GABBR1: variants seen among roughly 807,000 people sequenced by gnomAD.
The protein encoded by GABBR1 is GABA-B receptor, R1 subunit.
A neutral mutation model predicts 117.7 loss-of-function variants in GABBR1; 35 were observed. The ratio of observed to expected loss-of-function variants is 0.30; its 90% CI spans 0.23 to 0.39. The LOEUF (loss-of-function observed/expected upper bound fraction) is 0.39. Among genes scored for constraint, GABBR1 ranks in the 10% least tolerant of loss-of-function variants. GABBR1 has a pLI of 1.00. For missense variants in GABBR1, 709 were observed against 1,241.8 expected, an observed-to-expected ratio of 0.57 and a Z score of 6.45; for synonymous variants, 442 against 486.6, an observed-to-expected ratio of 0.91 and a Z score of 1.21.
chr6:29,617,301 C>CTT lies in GABBR1; in HGVS notation c.1323+3798_1323+3799dup, dbSNP rs373993426. ...CCATATTTCTTTTCTTTCTTTCTTT[C>CTT]TTTTTTTTTTTTTTTTTTTGAGATG... On this transcript the variant is annotated intron_variant, in intron 11 of 22. Coordinates refer to ENST00000377034, the MANE Select transcript of GABBR1 (RefSeq NM_001470.4). Among the ~76,000 whole-genome samples the CTT allele has an allele frequency of 7.1e-3, 853 of 119,838 alleles. 12 individuals carry two copies. Among genetic ancestry groups the CTT allele is most frequent in the South Asian group, 0.018 (64 of 3,602 alleles). The allele number at this position is 119,838 out of a possible 152,430, so 78.6% of individuals were successfully genotyped here.
chr6:29,604,574 A>ACCCTG lies in GABBR1; in HGVS notation c.2627_2631dup (p.Ser878GlnfsTer295). 6.2e-7 allele frequency: 1 copy of ACCCTG among 1,613,106 alleles called. No homozygotes were observed. The highest frequency in any genetic ancestry group is 8.5e-7 in the Non-Finnish European group (1 of 1,180,012). On this transcript the variant is annotated frameshift_variant, in exon 22 of 23. Transcript: ENST00000377034. LOFTEE classifies it high-confidence loss of function. The surrounding 1 kb of genome is among the most constrained non-coding windows in gnomAD (Gnocchi z 5.3). ...TCCTCCTCGTTGTTGTTGGTCGATG[A>ACCCTG]CCCTGTCTTCATGGTGTCCTGCGCC...
chr6:29,611,892 C>G lies in GABBR1; in HGVS notation c.1630+659G>C, dbSNP rs1456313895. 1.3e-5 allele frequency among the ~76,000 whole-genome samples: 2 copies of G among 152,162 alleles called. No homozygotes were observed. Among genetic ancestry groups the G allele is most frequent in the African/African-American group, 4.8e-5 (2 of 41,440 alleles). On this transcript the variant is annotated intron_variant, in intron 13 of 22. Coordinates refer to ENST00000377034, the MANE Select transcript of GABBR1 (RefSeq NM_001470.4). This position sits in a 1 kb window ranked among gnomAD's most constrained non-coding sequence, Gnocchi z 4.6. ...TCTCCTAGATTCAGCTTTCTTGAGTCTAACTGACAGGTCATCAACCTCTCA... is the reference window on the plus strand; with the variant it reads ...TCTCCTAGATTCAGCTTTCTTGAGTGTAACTGACAGGTCATCAACCTCTCA...
At position 29,603,646 on chromosome 6, in the gene GABBR1, GGGTGGCGCCGGGAGCGGAGCTGCTGCC is replaced by G. The variant is rs765304749; in HGVS notation, c.2756_2782del (p.Arg919_His927del). ...CCCAGAGGGTTCTGGGGGTGTCGGTGGGTGGCGCCGGGAGCGGAGCTGCTGCCGAGACTGGAGTTGATGGCGCAGTTC... is the reference window on the plus strand; with the variant it reads ...CCCAGAGGGTTCTGGGGGTGTCGGTGGAGACTGGAGTTGATGGCGCAGTTC... On this transcript the variant is annotated inframe_deletion, in exon 23 of 23. Transcript: ENST00000377034. 1 of 1,521,826 alleles carries G rather than the reference GGGTGGCGCCGGGAGCGGAGCTGCTGCC, an allele frequency of 6.6e-7. No homozygotes were observed. The highest frequency in any genetic ancestry group is 2.3e-5 in the East Asian group (1 of 43,830). The allele number at this position is 1,521,826 out of a possible 1,614,324, so 94.3% of individuals were successfully genotyped here.
chr6:29,607,157 A>T lies in GABBR1; in HGVS notation c.2054T>A (p.Ile685Asn). 3 of 1,614,054 alleles carry T rather than the reference A, an allele frequency of 1.9e-6. No homozygotes were observed. The highest frequency in any genetic ancestry group is 2.5e-6 in the Non-Finnish European group (3 of 1,180,022). ...TGTGAAGACCGTGTGGACCCACCAA[A>T]TCTTGGTGAACATGGAACCGTAGCC... ...SLGYGSMFTK[I>N]WWVHTVFTKK... is the part of the protein sequence containing the mutation. The change falls in exon 17 of 23, where the codon ATT (isoleucine) becomes AAT (asparagine). Residue 685 changes from isoleucine (I) to asparagine (N), a missense_variant. Coordinates refer to ENST00000377034, the MANE Select transcript of GABBR1 (RefSeq NM_001470.4). This position sits in a 1 kb window ranked among gnomAD's most constrained non-coding sequence, Gnocchi z 5.0.
In GABBR1 at chr6:29,604,596, C is replaced by G; in HGVS notation, c.2610G>C (p.Ala870=). The change falls in exon 22 of 23, where the codon GCG becomes GCC. Residue 870 remains alanine, a synonymous_variant. Coordinates refer to ENST00000377034, the MANE Select transcript of GABBR1 (RefSeq NM_001470.4). The surrounding 1 kb of genome is among the most constrained non-coding windows in gnomAD (Gnocchi z 5.3). ...LITRGEWQSE[A]QDTMKTGSST... is the part of the protein sequence containing the mutation. ...ATGACCCTGTCTTCATGGTGTCCTG[C>G]GCCTCCGACTGCCATTCCCCTCGGG... 1.2e-6 allele frequency: 2 copies of G among 1,613,248 alleles called. No individual in the cohort carries two copies. Among genetic ancestry groups the G allele is most frequent in the South Asian group, 1.1e-5 (1 of 91,082 alleles).
Position 29,629,122 on chromosome 6 carries a change from G to A in GABBR1, c.476-15C>T. 2 of 1,613,010 alleles carry A rather than the reference G, an allele frequency of 1.2e-6. No individual in the cohort carries two copies. The highest frequency in any genetic ancestry group is 1.7e-6 in the Non-Finnish European group (2 of 1,180,012). On this transcript the variant is annotated splice_polypyrimidine_tract_variant and intron_variant, in intron 4 of 22. Transcript: ENST00000377034. ...CGTTCGATTCACTGGCAGCAGGAAA[G>A]ACGGGGATCAGAGAAGAGTTACCAC...
rs1371507544 is a variant in GABBR1 at position 29,608,526 on chromosome 6, A to C, written c.1992+75T>G. On this transcript the variant is annotated intron_variant, in intron 16 of 22. Transcript: ENST00000377034. ...AGCTGAGGAGGAAGGGCAGAGAATC[A>C]TAAATCATGGAAGGTGCTCCTGAGA... 2.7e-6 allele frequency: 4 copies of C among 1,487,126 alleles called. No homozygotes were observed. The East Asian group carries it at 9.1e-5, about 34-fold the overall frequency. 92.1% of individuals were successfully genotyped at this position (1,487,126 alleles called of 1,614,324 possible).
At chr6:29,618,527 T>G (rs1377292287) in intron 11 of GABBR1, among the ~76,000 whole-genome samples, 11 of 152,234 alleles carry the variant, frequency 7.2e-5, no homozygotes. Context: ...CTTGTCTGGC[T>G]CTCAAGAATG....
rs752173788 is a variant in GABBR1, at chr6:29,606,938, C to T, written c.2176G>A (p.Ala726Thr). Residue 726 changes from alanine (A) to threonine (T), a missense_variant, in exon 18 of 23, where the codon GCC (alanine) becomes ACC (threonine). Coordinates refer to ENST00000377034, the MANE Select transcript of GABBR1 (RefSeq NM_001470.4). The surrounding 1 kb of genome is among the most constrained non-coding windows in gnomAD (Gnocchi z 4.5). Reference protein sequence around the residue: ...LLVGMDVLTLAIWQIVDPLHR... With the variant: ...LLVGMDVLTLTIWQIVDPLHR... ...AGAGGGTCCACGATCTGCCAGATGGCGAGAGTGAGGACATCCATGCCCACC... is the reference window on the plus strand; with the variant it reads ...AGAGGGTCCACGATCTGCCAGATGGTGAGAGTGAGGACATCCATGCCCACC... The T allele has an allele frequency of 5.6e-6, 9 of 1,614,090 alleles. No homozygotes were observed. The highest frequency in any genetic ancestry group is 1.6e-4 in the Middle Eastern group (1 of 6,084).
intron 6 of GABBR1, among the ~76,000 whole-genome samples, chr6:29,626,456 G>A (rs117938553): frequency 6.6e-6 from 1 of 152,086 alleles, no homozygotes; most frequent in East Asian, 1.9e-4. Context: ...CCTTCCCTGT[G>A]TCACATCCTT....
intron 22 of GABBR1, among the ~76,000 whole-genome samples, chr6:29,603,981 G>A (rs1761685970): frequency 6.6e-6 from 1 of 152,132 alleles, no homozygotes; most frequent in Non-Finnish European, 1.5e-5. Flanking sequence ...AGTGGGGAAG[G>A]AGAGAAAAGT....
Position 29,613,294 on chromosome 6 carries a change from A to T in GABBR1, c.1515T>A (p.Ile505=), listed in dbSNP as rs1240921538. 1 of 1,612,954 alleles carries T rather than the reference A, an allele frequency of 6.2e-7. No individual in the cohort carries two copies. The highest frequency in any genetic ancestry group is 1.1e-5 in the South Asian group (1 of 91,074). The change falls in exon 12 of 23, where the codon ATT becomes ATA. Residue 505 remains isoleucine (I), a synonymous_variant. Coordinates refer to ENST00000377034, the MANE Select transcript of GABBR1 (RefSeq NM_001470.4). This position sits in a 1 kb window ranked among gnomAD's most constrained non-coding sequence, Gnocchi z 4.1. ...LEDFNYNNQT[I]TDQIYRAMNS... is the part of the protein sequence containing the mutation. ...TCATTGCCCGGTAGATTTGGTCGGT[A>T]ATGGTCTGGTTGTTGTAGTTGAAGT...
In GABBR1 at chr6:29,621,770, G is replaced by A. The variant is rs199739847; in HGVS notation, c.1113C>T (p.Ala371=). ...IIVGLFYETE[A]RKVFCEVYKE... Reference sequence around the variant, plus strand: ...ACTCCACCTCACAAAAAACTTTCCGGGCTTCAGTCTCATAGAAAAGTCCCA... The same window carrying A: ...ACTCCACCTCACAAAAAACTTTCCGAGCTTCAGTCTCATAGAAAAGTCCCA... Residue 371 remains alanine (A), a synonymous_variant, in exon 10 of 23, where the codon GCC becomes GCT. Transcript: ENST00000377034. This position sits in a 1 kb window ranked among gnomAD's most constrained non-coding sequence, Gnocchi z 5.0. 1,985 of 1,614,060 alleles carry A rather than the reference G, an allele frequency of 1.2e-3. 35 individuals are homozygous for A. In the South Asian group the frequency reaches 0.019, roughly 15 times the overall value.
chr6:29,612,417 G>T, intron 13 of GABBR1, 134 bp downstream of exon 13: 1 of 637,322 alleles, frequency 1.6e-6, no homozygotes, highest in Non-Finnish European at 2.8e-6. Context: ...GATGAACAGA[G>T]TTAAAAGAGA....
chr6:29,603,642 C>A lies in GABBR1; in HGVS notation c.2787G>T (p.Pro929=). The change falls in exon 23 of 23, where the codon CCG becomes CCT. Residue 929 remains proline (P), a synonymous_variant. Coordinates refer to ENST00000377034, the MANE Select transcript of GABBR1 (RefSeq NM_001470.4). ...GGCCCCCAGAGGGTTCTGGGGGTGT[C>A]GGTGGGTGGCGCCGGGAGCGGAGCT... ...RQQLRSRRHP[P]TPPEPSGGLP... is the part of the protein sequence containing the mutation. The A allele has an allele frequency of 6.6e-7, 1 of 1,522,468 alleles. No individual in the cohort carries two copies. The allele number at this position is 1,522,468 out of a possible 1,614,324, so 94.3% of individuals were successfully genotyped here. A position where few individuals can be genotyped will look rare whatever the true frequency, so the allele number is the denominator to read the frequency against.
At position 29,623,213 on chromosome 6, in the gene GABBR1, G is replaced by A; in HGVS notation, c.963+92C>T. Reference sequence around the variant, plus strand: ...GCGTTCTCTTTCAATGAAGAATCAAGTTCTTGCCCCTAAAAGTGACTCTCA... The same window carrying A: ...GCGTTCTCTTTCAATGAAGAATCAAATTCTTGCCCCTAAAAGTGACTCTCA... On this transcript the variant is annotated intron_variant, in intron 8 of 22. Coordinates refer to ENST00000377034, the MANE Select transcript of GABBR1 (RefSeq NM_001470.4). The surrounding 1 kb of genome is among the most constrained non-coding windows in gnomAD (Gnocchi z 6.2). The A allele has an allele frequency of 8.7e-7, 1 of 1,148,888 alleles. No individual in the cohort carries two copies. Among genetic ancestry groups the A allele is most frequent in the Non-Finnish European group, 1.3e-6 (1 of 799,370 alleles). The allele number at this position is 1,148,888 out of a possible 1,614,324, so 71.2% of individuals were successfully genotyped here. A position where few individuals can be genotyped will look rare whatever the true frequency, so the allele number is the denominator to read the frequency against.
Position 29,623,387 on chromosome 6 carries a change from T to C in GABBR1, c.881A>G (p.Asn294Ser). ...TTCAAAGAGTTTCACGCGGGTAGGG[T>C]TGTGGAGTGTGGCTGATGGGTGCGT... ...FRTHPSATLHNPTRVKLFEKW... is the reference protein window; with the variant it reads ...FRTHPSATLHSPTRVKLFEKW... The change falls in exon 8 of 23, where the codon AAC (asparagine) becomes AGC (serine). Residue 294 changes from asparagine to serine, a missense_variant. By Grantham distance (46) the Asn-to-Ser change is conservative. Transcript: ENST00000377034. The surrounding 1 kb of genome is among the most constrained non-coding windows in gnomAD (Gnocchi z 6.2). The C allele has an allele frequency of 1.9e-6, 3 of 1,613,946 alleles. No individual in the cohort carries two copies. The highest frequency in any genetic ancestry group is 2.5e-6 in the Non-Finnish European group (3 of 1,179,976).
chr6:29,628,183 G>A (rs1764556294), intron 5 of GABBR1: 1 of 790,476 alleles, frequency 1.3e-6, no homozygotes, highest in Non-Finnish European at 1.5e-6. Flanking sequence ...ACAGTCGGAG[G>A]GGCGGGGAGG....
In GABBR1 at chr6:29,604,366, C is replaced by T; in HGVS notation, c.2712+128G>A. 8.5e-7 allele frequency: 1 copy of T among 1,172,614 alleles called. No homozygotes were observed. The highest frequency in any genetic ancestry group is 1.3e-6 in the Non-Finnish European group (1 of 793,714). 72.6% of individuals were successfully genotyped at this position (1,172,614 alleles called of 1,614,324 possible). On this transcript the variant is annotated intron_variant, in intron 22 of 22. Coordinates refer to ENST00000377034, the MANE Select transcript of GABBR1 (RefSeq NM_001470.4). The surrounding 1 kb of genome is among the most constrained non-coding windows in gnomAD (Gnocchi z 5.3). ...CCATTCACTCCTTACAGGTTGTCTCCTAGGACCCTCCCTCCATGAGCCAAG... is the reference window on the plus strand; with the variant it reads ...CCATTCACTCCTTACAGGTTGTCTCTTAGGACCCTCCCTCCATGAGCCAAG...
Sources: allele counts gnomAD v4.1 joint callset (sites outside exome capture counted in the v4.1 genomes callset), GRCh38; gene constraint gnomAD v4.1.1; non-coding constraint Gnocchi (gnomAD v3.1); transcripts MANE v1.5; gene names NCBI Gene and HGNC (gene_info 2026-07-23, HGNC 2026-07-21).